GRIN2B: variants seen among roughly 807,000 people sequenced by gnomAD.
GRIN2B encodes glutamate receptor ionotropic, NMDA 2B.
Under a neutral mutation model 114.5 loss-of-function variants are expected in GRIN2B, and 5 were observed. The ratio of observed to expected loss-of-function variants is 0.04; its 90% confidence interval spans 0.02 to 0.09. The LOEUF is 0.09. Among genes scored for constraint, GRIN2B ranks in the 10% least tolerant of loss-of-function variants. The pLI, the probability that GRIN2B is intolerant of heterozygous loss-of-function variation, is 1.00. For missense variants in GRIN2B, 1,108 were observed against 1,943.5 expected (o/e 0.57, Z 8.08); for synonymous variants, 787 against 745.1 (o/e 1.06, Z -0.92).
chr12:13,929,325 C>T (rs2136821982), intron 2 of GRIN2B, among the ~76,000 whole-genome samples: 1 of 138,158 alleles, frequency 7.2e-6, no homozygotes, highest in Non-Finnish European at 1.6e-5. Context: ...TAAACCAAAC[C>T]GTTAAGCAAA....
At chr12:13,936,023 T>TCA (rs1476366923) in intron 2 of GRIN2B, among the ~76,000 whole-genome samples, 1 of 151,942 alleles carries the variant, frequency 6.6e-6, no homozygotes, top group Admixed American at 6.6e-5. Flanking sequence ...GAGGCAGAGG[T>TCA]CATAGTTTGT....
At chr12:13,580,743 C>A (rs1048318328) in intron 10 of GRIN2B, among the ~76,000 whole-genome samples, 1 of 152,112 alleles carries the variant, frequency 6.6e-6, no homozygotes, top group Non-Finnish European at 1.5e-5. Flanking sequence ...TGAATTTTAA[C>A]CAGGTATGGA....
At chr12:13,749,057 G>A (rs559132992) in intron 4 of GRIN2B, among the ~76,000 whole-genome samples, 24 of 152,194 alleles carry the variant, frequency 1.6e-4, no homozygotes, top group Non-Finnish European at 2.6e-4. Flanking sequence ...CAAGCTTCAA[G>A]GAGTTAAGAA....
At chr12:13,679,713 A>T (rs373762631) in intron 4 of GRIN2B, among the ~76,000 whole-genome samples, 1 of 152,158 alleles carries the variant, frequency 6.6e-6, no homozygotes, top group Admixed American at 6.6e-5. Flanking sequence ...ATGCAAATAT[A>T]CATCAGCCTT....
At chr12:13,622,561 A>G (rs1349705939) in intron 5 of GRIN2B, among the ~76,000 whole-genome samples, 3 of 151,936 alleles carry the variant, frequency 2.0e-5, no homozygotes, top group Middle Eastern at 3.2e-3. Context: ...ACCTATCTTT[A>G]ATTTGTTTTC....
intron 2 of GRIN2B, among the ~76,000 whole-genome samples, chr12:13,962,077 C>G (rs1867701667): frequency 8.0e-6 from 1 of 125,668 alleles, no homozygotes; most frequent in African/African-American, 3.2e-5. Flanking sequence ...CAGATTCTGT[C>G]TCTCTCATAC....
intron 3 of GRIN2B, among the ~76,000 whole-genome samples, chr12:13,793,815 T>C (rs17833932): frequency 0.046 from 6,949 of 152,242 alleles, 220 homozygotes; most frequent in Admixed American, 0.069. Context: ...CAGTAAGTCA[T>C]ATCTTCAAAA....
In GRIN2B at chr12:13,546,917, T is replaced by G. The variant is rs1240144436; in HGVS notation, c.*15866A>C. The G allele has an allele frequency of 6.6e-6, 1 of 152,138 alleles. No individual in the cohort carries two copies. Among genetic ancestry groups the G allele is most frequent in the Non-Finnish European group, 1.5e-5 (1 of 68,004 alleles). 9.4% of individuals were successfully genotyped at this position (152,138 alleles called of 1,614,324 possible). A position where few individuals can be genotyped will look rare whatever the true frequency, so the allele number is the denominator to read the frequency against. On this transcript the variant is annotated 3_prime_UTR_variant, in exon 14 of 14. Coordinates refer to ENST00000609686, the MANE Select transcript of GRIN2B (RefSeq NM_000834.5). ...ACACATGCTCAGAGGTGGCTTAATA[T>G]TCCAGAGCACATCCCTCTCCACTAA...
intron 10 of GRIN2B, among the ~76,000 whole-genome samples, chr12:13,607,151 A>T (rs7963715): frequency 0.1 from 13,060 of 124,798 alleles, 778 homozygotes; most frequent in South Asian, 0.14. Context: ...ACTCAAAAAA[A>T]ATATATATAT....
chr12:13,701,688 G>A (rs1468089107), intron 4 of GRIN2B, among the ~76,000 whole-genome samples: 1 of 152,126 alleles, frequency 6.6e-6, no homozygotes, highest in African/African-American at 2.4e-5. Flanking sequence ...TTTTGATGAT[G>A]AAGACTGGAT....
intron 2 of GRIN2B, among the ~76,000 whole-genome samples, chr12:13,895,929 CTT>C (rs1278508540): frequency 6.6e-6 from 1 of 152,080 alleles, no homozygotes. Flanking sequence ...ACTTAAAACA[CTT>C]TGCAGAATAA....
intron 2 of GRIN2B, among the ~76,000 whole-genome samples, chr12:13,868,605 C>T (rs1248690878): frequency 1.3e-5 from 2 of 152,196 alleles, no homozygotes; most frequent in Non-Finnish European, 2.9e-5. Flanking sequence ...TAGTTTCCTT[C>T]ACGTTTAAAA....
intron 4 of GRIN2B, among the ~76,000 whole-genome samples, chr12:13,710,994 T>C (rs1324813349): frequency 1.3e-5 from 2 of 152,100 alleles, no homozygotes; most frequent in Non-Finnish European, 2.9e-5. Flanking sequence ...AAGGCCACAG[T>C]AACCAAAACA....
intron 5 of GRIN2B, among the ~76,000 whole-genome samples, chr12:13,631,108 C>T (rs1053454726): frequency 1.3e-5 from 2 of 152,148 alleles, no homozygotes; most frequent in Non-Finnish European, 1.5e-5. Context: ...CCAGGTCCCT[C>T]CCCAACACAT....
intron 5 of GRIN2B, among the ~76,000 whole-genome samples, chr12:13,635,966 A>G (rs1949662600): frequency 6.6e-6 from 1 of 152,214 alleles, no homozygotes. Context: ...CCTCCAGAAC[A>G]TTCTAGTGAG....
intron 2 of GRIN2B, among the ~76,000 whole-genome samples, chr12:13,970,700 C>CAA (rs1555163306): frequency 2.0e-5 from 3 of 151,348 alleles, no homozygotes; most frequent in Non-Finnish European, 4.4e-5. Context: ...CACACACACA[C>CAA]ACACACACAC....
rs531485848 is a variant in GRIN2B at position 13,874,176 on chromosome 12, C to T, written c.-18-7950G>A. On this transcript the variant is annotated intron_variant, in intron 2 of 13. Coordinates refer to ENST00000609686, the MANE Select transcript of GRIN2B (RefSeq NM_000834.5). ...TTCTGCTACATCTTTCCTGGAACCT[C>T]TCCCGAGTAAGAGCCTTCTCATTCT... 2.2e-4 allele frequency among the ~76,000 whole-genome samples: 34 copies of T among 152,334 alleles called. No individual in the cohort carries two copies. The South Asian group carries it at 6.6e-3, about 30-fold the overall frequency.
chr12:13,776,200 T>A (rs367895955), intron 3 of GRIN2B, among the ~76,000 whole-genome samples: 1 of 152,234 alleles, frequency 6.6e-6, no homozygotes, highest in South Asian at 2.1e-4. Context: ...CCACATGTTC[T>A]CACTTATAAG....
intron 2 of GRIN2B, among the ~76,000 whole-genome samples, chr12:13,873,018 TA>T (rs1865935746): frequency 6.6e-6 from 1 of 152,294 alleles, no homozygotes; most frequent in Admixed American, 6.5e-5. Flanking sequence ...TAAGAAAGGA[TA>T]AAAGTACCCA....
Sources: gnomAD v4.1 joint callset for allele counts (sites outside exome capture counted in the v4.1 genomes callset) on GRCh38, gnomAD v4.1.1 for gene constraint, MANE v1.5 for transcripts, NCBI Gene and HGNC (gene_info 2026-07-23, HGNC 2026-07-21) for gene names.